Variants in SCAF8 observed in about 807,000 individuals in gnomAD.
The protein encoded by SCAF8 is SR-related and CTD-associated factor 8.
A neutral mutation model predicts 140.5 loss-of-function variants in SCAF8; 23 were observed. The observed-to-expected ratio is 0.16, with a 90% CI of 0.12 to 0.23. The LOEUF (loss-of-function observed/expected upper bound fraction) is 0.23, where lower values mean the gene tolerates loss of function less well. Among genes scored for constraint, SCAF8 ranks in the 10% least tolerant of loss-of-function variants. The probability of loss-of-function intolerance (pLI) is 1.00; values close to 1 mark genes in which losing one functional copy is unlikely to be tolerated. For synonymous variants in SCAF8, 575 were observed against 528.9 expected, an observed-to-expected ratio of 1.09 and a Z score of -1.20; for missense variants, 1,397 against 1,555.7, an observed-to-expected ratio of 0.90 and a Z score of 1.72.
chr6:154,759,580 C>T (rs558666787), intron 1 of SCAF8, among the ~76,000 whole-genome samples: 2 of 151,808 alleles, frequency 1.3e-5, no homozygotes, highest in South Asian at 2.1e-4. Flanking sequence ...CATTTGGATT[C>T]GTCACAATAA....
In SCAF8 at chr6:154,834,141, A is replaced by G. The variant is rs1026031387; in HGVS notation, c.*746A>G. 2 of 152,170 alleles carry G rather than the reference A, an allele frequency of 1.3e-5. No homozygotes were observed. Among genetic ancestry groups the G allele is most frequent in the African/African-American group, 2.4e-5 (1 of 41,458 alleles). The allele number at this position is 152,170 out of a possible 1,614,324, so 9.4% of individuals were successfully genotyped here. On this transcript the variant is annotated 3_prime_UTR_variant, in exon 20 of 20. Transcript: ENST00000367178. The stretch of plus-strand genomic sequence containing the variant: ...TTATTAGCATGTGCTTATTTTTTGC[A>G]AAAGCTTTCTATCATAACAACAATG...
At chr6:154,758,030 C>T (rs1271626276) in intron 1 of SCAF8, among the ~76,000 whole-genome samples, 1 of 151,746 alleles carries the variant, frequency 6.6e-6, no homozygotes, top group Admixed American at 6.6e-5. Context: ...TCCACCTCAG[C>T]CTCCTCAGCA....
chr6:154,806,692 T>C (rs1014630051), intron 9 of SCAF8, among the ~76,000 whole-genome samples: 1 of 152,142 alleles, frequency 6.6e-6, no homozygotes, highest in East Asian at 1.9e-4. Context: ...AACAGTAATA[T>C]AAAATGGATG....
At position 154,797,112 on chromosome 6, in the gene SCAF8, A is replaced by G. The variant is rs1031662230; in HGVS notation, c.606+1973A>G. Reference sequence around the variant, plus strand: ...GCTACCTTTCCTGAATAAATTTTATAATAAATATTTATGATTAGAAACCAT... The same window carrying G: ...GCTACCTTTCCTGAATAAATTTTATGATAAATATTTATGATTAGAAACCAT... On this transcript the variant is annotated intron_variant, in intron 6 of 19. Transcript: ENST00000367178. 8.3e-5 allele frequency among the ~76,000 whole-genome samples: 12 copies of G among 143,836 alleles called. No homozygotes were observed. In the South Asian group the frequency reaches 2.5e-3, roughly 30 times the overall value. 94.4% of individuals were successfully genotyped at this position (143,836 alleles called of 152,430 possible).
intron 12 of SCAF8, among the ~76,000 whole-genome samples, chr6:154,811,911 G>A (rs1410634730): frequency 6.6e-6 from 1 of 152,010 alleles, no homozygotes; most frequent in Non-Finnish European, 1.5e-5. Context: ...GTGTATATGT[G>A]CCACATTTTC....
At chr6:154,776,280 A>G (rs2114849703) in intron 2 of SCAF8, among the ~76,000 whole-genome samples, 1 of 151,438 alleles carries the variant, frequency 6.6e-6, no homozygotes, top group Admixed American at 6.6e-5. Flanking sequence ...TTTAAACTGC[A>G]TTTAGTGTGT....
intron 12 of SCAF8, among the ~76,000 whole-genome samples, chr6:154,811,392 A>G (rs1278684307): frequency 6.8e-6 from 1 of 147,946 alleles, no homozygotes; most frequent in African/African-American, 2.5e-5. Flanking sequence ...CACTGTTTAC[A>G]CAGTTTTTTT....
chr6:154,825,120 A>C (rs1347804398), intron 17 of SCAF8: 1 of 152,196 alleles, frequency 6.6e-6, no homozygotes, highest in Non-Finnish European at 1.5e-5. Context: ...ATTATATTTA[A>C]AAGGCTAATT....
intron 10 of SCAF8, 39 bp from the exon 11 acceptor site, chr6:154,808,647 C>T (rs1777996637): frequency 2.4e-6 from 3 of 1,239,782 alleles, no homozygotes; most frequent in Non-Finnish European, 3.4e-6. Flanking sequence ...CTGTCTCAAC[C>T]AGCCTTTCTG....
At chr6:154,826,928 G>T (rs918975617) in intron 17 of SCAF8, among the ~76,000 whole-genome samples, 1 of 152,062 alleles carries the variant, frequency 6.6e-6, no homozygotes, top group African/African-American at 2.4e-5. Flanking sequence ...CATGCTACGG[G>T]ACTTGAATGA....
chr6:154,764,572 A>G (rs1167971697), intron 1 of SCAF8, among the ~76,000 whole-genome samples: 1 of 152,186 alleles, frequency 6.6e-6, no homozygotes, highest in East Asian at 1.9e-4. Context: ...GTAGAATTTG[A>G]TGGAACAAAC....
intron 1 of SCAF8, among the ~76,000 whole-genome samples, chr6:154,760,431 C>T (rs920645043): frequency 6.6e-6 from 1 of 152,044 alleles, no homozygotes; most frequent in African/African-American, 2.4e-5. Context: ...TTCAGACTTA[C>T]AATTTTAGGA....
intron 3 of SCAF8, among the ~76,000 whole-genome samples, chr6:154,783,047 A>G (rs1777130824): frequency 6.6e-6 from 1 of 152,142 alleles, no homozygotes; most frequent in Non-Finnish European, 1.5e-5. Flanking sequence ...AACTTACCTT[A>G]GTTATCCTGA....
At chr6:154,815,476 G>A (rs1778223130) in intron 12 of SCAF8, among the ~76,000 whole-genome samples, 1 of 152,322 alleles carries the variant, frequency 6.6e-6, no homozygotes, top group South Asian at 2.1e-4. Flanking sequence ...TGGTTCAGGT[G>A]TGCAGCCAAG....
At chr6:154,805,304 C>T in intron 8 of SCAF8, 65 bp from the exon 9 acceptor site, 2 of 898,780 alleles carry the variant, frequency 2.2e-6, no homozygotes, top group South Asian at 1.7e-5. Context: ...TCTTTGAATA[C>T]TCAGTTATTT....
intron 12 of SCAF8, among the ~76,000 whole-genome samples, chr6:154,813,705 TC>T (rs1778161222): frequency 6.6e-6 from 1 of 152,068 alleles, no homozygotes; most frequent in South Asian, 2.1e-4. Context: ...AAATTAAAGA[TC>T]ATGAGGTGGG....
chr6:154,827,296 G>T (rs1778594429), intron 18 of SCAF8, 56 bp downstream of exon 18: 2 of 1,178,946 alleles, frequency 1.7e-6, no homozygotes, highest in East Asian at 2.5e-5. Flanking sequence ...ATTTTAGTGT[G>T]TCAGTTCTCA....
At chr6:154,766,994 A>G (rs1776593327) in intron 1 of SCAF8, among the ~76,000 whole-genome samples, 1 of 152,194 alleles carries the variant, frequency 6.6e-6, no homozygotes, top group South Asian at 2.1e-4. Context: ...TCGTTTGGGG[A>G]CATGTAGACT....
chr6:154,821,551 G>C (rs1778423257), intron 15 of SCAF8, among the ~76,000 whole-genome samples: 1 of 152,198 alleles, frequency 6.6e-6, no homozygotes, highest in African/African-American at 2.4e-5. Context: ...GAGATGGGCA[G>C]TGTGGGTGTG....
Sources: allele counts gnomAD v4.1 joint callset (sites outside exome capture counted in the v4.1 genomes callset), GRCh38; gene constraint gnomAD v4.1.1; transcripts MANE v1.5; gene names NCBI Gene and HGNC (gene_info 2026-07-23, HGNC 2026-07-21).